MEN1: variants seen among roughly 807,000 people sequenced by gnomAD.
MEN1 encodes menin.
A neutral mutation model predicts 58.0 loss-of-function variants in MEN1; 6 were observed. That is an observed-to-expected ratio of 0.10 (90% CI 0.06 to 0.20). The LOEUF is 0.20. Ranked by LOEUF, MEN1 falls within the 10% of genes least tolerant of loss-of-function variation. MEN1 has a pLI of 1.00. For missense variants in MEN1, 492 were observed against 818.5 expected (o/e 0.60, Z 4.87); for synonymous variants, 346 against 350.7 (o/e 0.99, Z 0.15).
At position 64,810,018 on chromosome 11, in the gene MEN1, T is replaced by A. The variant is rs1060499977; in HGVS notation, c.92A>T (p.Glu31Val). 2 of 1,607,716 alleles carry A rather than the reference T, an allele frequency of 1.2e-6. No homozygotes were observed. The highest frequency in any genetic ancestry group is 1.7e-6 in the Non-Finnish European group (2 of 1,177,138). ...CAAGGAAAGGAGCACCAGGTCCGGC[T>A]CCTCTCGGCCCAGCTCGGCAGCAAA... The part of the protein sequence containing the change: ...RLFAAELGRE[E>V]PDLVLLSLVL... Residue 31 changes from glutamate to valine, a missense_variant, in exon 2 of 10, where the codon GAG becomes GTG. Physicochemically the swap from Glu to Val is moderately radical, Grantham distance 121 (BLOSUM62 -2). This residue lies in a region of MEN1 where 335 missense variants were observed against 550.3 expected (regional missense o/e 0.61). Transcript: ENST00000450708.
At chr11:64,808,584 G>A (rs758053481) in intron 2 of MEN1, among the ~76,000 whole-genome samples, 18 of 152,158 alleles carry the variant, frequency 1.2e-4, no homozygotes, top group Admixed American at 7.9e-4. Context: ...CCAGTCAACC[G>A]GGCTTGGTGC....
At position 64,805,210 on chromosome 11, in the gene MEN1, G is replaced by C. The variant is rs1201215314; in HGVS notation, c.1186-12C>G. ...TGGCTCTGGGTGCCCTGGACGAGGG[G>C]GAAGGGAGGGCACAGATCAGTCTCT... On this transcript the variant is annotated splice_polypyrimidine_tract_variant and intron_variant, in intron 8 of 9. Transcript: ENST00000450708. 6.2e-7 allele frequency: 1 copy of C among 1,612,512 alleles called. No homozygotes were observed. Among genetic ancestry groups the C allele is most frequent in the South Asian group, 1.1e-5 (1 of 90,986 alleles).
rs1371758571 is a variant in MEN1, at chr11:64,804,930, C to T, written c.1350+104G>A. ...CAGGGGGTCTCAGTCCCATCGGCAC[C>T]CAAGGGGATGGGCAGATGCTGCCCC... On this transcript the variant is annotated intron_variant, in intron 9 of 9. Transcript: ENST00000450708. This position sits in a 1 kb window ranked among gnomAD's most constrained non-coding sequence, Gnocchi z 4.2. 5 of 1,598,260 alleles carry T rather than the reference C, an allele frequency of 3.1e-6. No homozygotes were observed. Among genetic ancestry groups the T allele is most frequent in the Middle Eastern group, 1.7e-4 (1 of 5,832 alleles).
At position 64,809,800 on chromosome 11, in the gene MEN1, A is replaced by C. The variant is rs528298928; in HGVS notation, c.310T>G (p.Ser104Ala). ...ACACCCCCTTCTCGAGGATAGAGGG[A>C]CAGGTCGACGGCGCCTCGGATCTGG... is the stretch of plus-strand genomic sequence containing the variant. Reference protein sequence around the residue: ...TAQIRGAVDLSLYPREGGVSS... With the variant: ...TAQIRGAVDLALYPREGGVSS... The change falls in exon 2 of 10, where the codon TCC becomes GCC. Residue 104 changes from serine (S) to alanine (A), a missense_variant. Transcript: ENST00000450708. The C allele has an allele frequency of 6.2e-7, 1 of 1,613,694 alleles. No individual in the cohort carries two copies. Among genetic ancestry groups the C allele is most frequent in the African/African-American group, 1.3e-5 (1 of 74,854 alleles).
In MEN1 at chr11:64,808,019, C is replaced by T. The variant is rs376872829; in HGVS notation, c.526G>A (p.Ala176Thr). 1.9e-6 allele frequency: 3 copies of T among 1,614,136 alleles called. No individual in the cohort carries two copies. The highest frequency in any genetic ancestry group is 2.2e-5 in the East Asian group (1 of 44,874). The change falls in exon 3 of 10, where the codon GCC (alanine) becomes ACC (threonine). Residue 176 changes from alanine to threonine, a missense_variant. Coordinates refer to ENST00000450708, the MANE Select transcript of MEN1 (RefSeq NM_001370259.2). ...ACCCAGGCATGATCCTCAGACAGGG[C>T]GAGGTGGACATCCCGGAGACCCAGG... ...QALGLRDVHLALSEDHAWVVF... is the reference protein window; with the variant it reads ...QALGLRDVHLTLSEDHAWVVF...
Position 64,803,932 on chromosome 11 carries a change from G to C in MEN1, c.*402C>G. The C allele has an allele frequency of 2.8e-6, 1 of 351,856 alleles. No individual in the cohort carries two copies. Among genetic ancestry groups the C allele is most frequent in the Non-Finnish European group, 5.3e-6 (1 of 187,272 alleles). The allele number at this position is 351,856 out of a possible 1,614,324, so 21.8% of individuals were successfully genotyped here. ...TCCTAGGCTCCCGGGCTGGAGGTGG[G>C]ACCTGTGCTCCTTGGGTTAAGGGTG... On this transcript the variant is annotated 3_prime_UTR_variant, in exon 10 of 10. Coordinates refer to ENST00000450708, the MANE Select transcript of MEN1 (RefSeq NM_001370259.2).
rs748948131 is a variant in MEN1 at position 64,809,765 on chromosome 11, A to G, written c.345T>C (p.Arg115=). The G allele has an allele frequency of 9.9e-6, 16 of 1,613,712 alleles. No individual in the cohort carries two copies. The highest frequency in any genetic ancestry group is 1.1e-5 in the Non-Finnish European group (13 of 1,179,824). Residue 115 remains arginine, a synonymous_variant, in exon 2 of 10, where the codon CGT becomes CGC. Coordinates refer to ENST00000450708, the MANE Select transcript of MEN1 (RefSeq NM_001370259.2). ...LYPREGGVSS[R]ELVKKVSDVI... ...CATCGGAGACCTTCTTCACCAGCTC[A>G]CGGCTGGAGACACCCCCTTCTCGAG...
chr11:64,807,893 G>C lies in MEN1; in HGVS notation c.652C>G (p.Arg218Gly), dbSNP rs794728620. Residue 218 changes from arginine (R) to glycine (G), a missense_variant and splice_region_variant, in exon 3 of 10, where the codon CGG (arginine) becomes GGG (glycine). By Grantham distance (125) the Arg-to-Gly change is moderately radical. Transcript: ENST00000450708. This position sits in a 1 kb window ranked among gnomAD's most constrained non-coding sequence, Gnocchi z 4.9. Reference protein sequence around the residue: ...GQTVNAGVAERSWLYLKGSYM... With the variant: ...GQTVNAGVAEGSWLYLKGSYM... The stretch of plus-strand genomic sequence containing the variant: ...AGGCTGGGGGGAGGGAACAATACCC[G>C]CTCAGCCACACCGGCATTGACTGTC... 6.2e-7 allele frequency: 1 copy of C among 1,613,980 alleles called. No homozygotes were observed. The highest frequency in any genetic ancestry group is 8.5e-7 in the Non-Finnish European group (1 of 1,179,942).
Position 64,809,217 on chromosome 11 carries a change from T to C in MEN1, c.445+448A>G, listed in dbSNP as rs1941947161. ...AGACTGAGGCTGCAGTGAGCCATGA[T>C]CACACCACTGCACTCCAGCCTGGGG... On this transcript the variant is annotated intron_variant, in intron 2 of 9. Coordinates refer to ENST00000450708, the MANE Select transcript of MEN1 (RefSeq NM_001370259.2). 2.1e-5 allele frequency among the ~76,000 whole-genome samples: 3 copies of C among 140,546 alleles called. No homozygotes were observed. In the Admixed American group the frequency reaches 2.3e-4, roughly 11 times the overall value. The allele number at this position is 140,546 out of a possible 152,430, so 92.2% of individuals were successfully genotyped here. A position where few individuals can be genotyped will look rare whatever the true frequency, so the allele number is the denominator to read the frequency against.
In MEN1 at chr11:64,807,983, G is replaced by T; in HGVS notation, c.562C>A (p.Pro188Thr). 6.2e-6 allele frequency: 10 copies of T among 1,614,162 alleles called. No homozygotes were observed. The highest frequency in any genetic ancestry group is 8.5e-6 in the Non-Finnish European group (10 of 1,180,034). Residue 188 changes from proline (P) to threonine (T), a missense_variant, in exon 3 of 10, where the codon CCC becomes ACC. Pro to Thr is a conservative substitution (Grantham distance 38). This residue lies in a region of MEN1 where 335 missense variants were observed against 550.3 expected (regional missense o/e 0.61). Coordinates refer to ENST00000450708, the MANE Select transcript of MEN1 (RefSeq NM_001370259.2). The surrounding 1 kb of genome is among the most constrained non-coding windows in gnomAD (Gnocchi z 4.9). ...ACCTCAGCTGTCTGCTCCCCATTGG[G>T]CCCAAACACTACCCAGGCATGATCC... ...SEDHAWVVFGPNGEQTAEVTW... is the reference protein window; with the variant it reads ...SEDHAWVVFGTNGEQTAEVTW...
rs1064793168 is a variant in MEN1, at chr11:64,807,888, T to C, written c.654+3A>G. 1 of 1,613,920 alleles carries C rather than the reference T, an allele frequency of 6.2e-7. No individual in the cohort carries two copies. Reference sequence around the variant, plus strand: ...GGACAAGGCTGGGGGGAGGGAACAATACCCGCTCAGCCACACCGGCATTGA... The same window carrying C: ...GGACAAGGCTGGGGGGAGGGAACAACACCCGCTCAGCCACACCGGCATTGA... On this transcript the variant is annotated splice_donor_region_variant and intron_variant, in intron 3 of 9. Coordinates refer to ENST00000450708, the MANE Select transcript of MEN1 (RefSeq NM_001370259.2). This position sits in a 1 kb window ranked among gnomAD's most constrained non-coding sequence, Gnocchi z 4.9.
At position 64,810,138 on chromosome 11, in the gene MEN1, A is replaced by C; in HGVS notation, c.-23-6T>G. On this transcript the variant is annotated splice_region_variant and splice_polypyrimidine_tract_variant and intron_variant, in intron 1 of 9. Transcript: ENST00000450708. ...GGCGGGCGGTGGGCGGCGGCCTGCA[A>C]GGCAAGCCGGGGGAGGGAGGGTCGG... 2.4e-5 allele frequency: 13 copies of C among 545,430 alleles called. No individual in the cohort carries two copies. The highest frequency in any genetic ancestry group is 3.7e-5 in the Non-Finnish European group (13 of 352,954). 33.8% of individuals were successfully genotyped at this position (545,430 alleles called of 1,614,324 possible).
At position 64,810,134 on chromosome 11, in the gene MEN1, TGCAAGGCAAGCCGGGGGAGGGA is replaced by T; in HGVS notation, c.-23-24_-23-3del. ...TGGCGGCGGGCGGTGGGCGGCGGCC[TGCAAGGCAAGCCGGGGGAGGGA>T]GGGTCGGGCAGGTTCGGCCGGGGAG... On this transcript the variant is annotated splice_region_variant and splice_polypyrimidine_tract_variant and intron_variant, in intron 1 of 9. Coordinates refer to ENST00000450708, the MANE Select transcript of MEN1 (RefSeq NM_001370259.2). 4 of 747,074 alleles carry T rather than the reference TGCAAGGCAAGCCGGGGGAGGGA, an allele frequency of 5.4e-6. No individual in the cohort carries two copies. The highest frequency in any genetic ancestry group is 4.4e-5 in the East Asian group (1 of 22,844). The allele number at this position is 747,074 out of a possible 1,614,324, so 46.3% of individuals were successfully genotyped here. A position where few individuals can be genotyped will look rare whatever the true frequency, so the allele number is the denominator to read the frequency against.
rs972739592 is a variant in MEN1, at chr11:64,805,581, G to A, written c.1185+54C>T. On this transcript the variant is annotated intron_variant, in intron 8 of 9. Coordinates refer to ENST00000450708, the MANE Select transcript of MEN1 (RefSeq NM_001370259.2). ...CATGCAGCCCCCATGGCCTGTGGAA[G>A]GGAGCCCTGTCCAGGTGGGAGGCTG... 4 of 1,606,486 alleles carry A rather than the reference G, an allele frequency of 2.5e-6. No homozygotes were observed. In the African/African-American group the frequency reaches 4.0e-5, roughly 16 times the overall value.
At chr11:64,806,205 T>C (rs1428763452) in intron 7 of MEN1, 27 bp downstream of exon 7, 1 of 1,613,714 alleles carries the variant, frequency 6.2e-7, no homozygotes, top group African/African-American at 1.3e-5. Flanking sequence ...AAGGACAGGC[T>C]GCAGGCCCTA....
rs1173330310 is a variant in MEN1 at position 64,806,024 on chromosome 11, A to G, written c.1049+208T>C. 4 of 686,288 alleles carry G rather than the reference A, an allele frequency of 5.8e-6. No homozygotes were observed. The African/African-American group carries it at 7.2e-5, about 12-fold the overall frequency. 42.5% of individuals were successfully genotyped at this position (686,288 alleles called of 1,614,324 possible). ...AGATTTGAGACTGTTCTGAGAAAAA[A>G]AAAATTAGGAGGAGAGGGGAGGGAG... On this transcript the variant is annotated intron_variant, in intron 7 of 9. Coordinates refer to ENST00000450708, the MANE Select transcript of MEN1 (RefSeq NM_001370259.2).
intron 7 of MEN1, chr11:64,806,008 A>G: frequency 1.5e-6 from 1 of 653,266 alleles, no homozygotes; most frequent in Non-Finnish European, 2.6e-6. Context: ...GAGATTTGAG[A>G]CTGTTCTGAG....
chr11:64,806,108 C>T, intron 7 of MEN1, 124 bp downstream of exon 7: 2 of 1,321,048 alleles, frequency 1.5e-6, no homozygotes, highest in Non-Finnish European at 2.1e-6. Context: ...GGCCTTGCTG[C>T]CTAGGGACTG....
In MEN1 at chr11:64,805,172, G is replaced by C. The variant is rs577268289; in HGVS notation, c.1212C>G (p.Leu404=). The part of the protein sequence containing the change: ...SQGTQSQGSA[L]QDPECFAHLL... ...GGTGGGCGAAGCACTCAGGGTCCTG[G>C]AGGGCGGAACCTTGGCTCTGGGTGC... is the stretch of plus-strand genomic sequence containing the variant. Residue 404 remains leucine, a synonymous_variant, in exon 9 of 10, where the codon CTC becomes CTG. Coordinates refer to ENST00000450708, the MANE Select transcript of MEN1 (RefSeq NM_001370259.2). 311 of 1,613,950 alleles carry C rather than the reference G, an allele frequency of 1.9e-4. 1 individual carries two copies. In the South Asian group the frequency reaches 3.2e-3, roughly 17 times the overall value.
Sources: allele counts gnomAD v4.1 joint callset (sites outside exome capture counted in the v4.1 genomes callset), GRCh38; gene constraint gnomAD v4.1.1; regional missense constraint gnomAD v4.1.1; non-coding constraint Gnocchi (gnomAD v3.1); transcripts MANE v1.5; gene names NCBI Gene and HGNC (gene_info 2026-07-23, HGNC 2026-07-21).